The following CLINT1 variants were observed in gnomAD, a reference collection of about 807,000 sequenced individuals.
CLINT1 encodes the protein clathrin interactor 1, also known as clathrin interacting protein localized in the trans-Golgi region.
In CLINT1, 15 loss-of-function variants were observed where a neutral mutation model predicts 70.4. The ratio of observed to expected loss-of-function variants is 0.21; its 90% CI spans 0.14 to 0.33. CLINT1 has a LOEUF of 0.33. CLINT1 is among the 10% of genes least tolerant of loss of function. The pLI, the probability that CLINT1 is intolerant of heterozygous loss-of-function variation, is 1.00. For synonymous variants in CLINT1, 227 were observed against 254.7 expected (o/e 0.89, Z 1.04); for missense variants, 615 against 778.1 (o/e 0.79, Z 2.49).
rs182289654 is a variant in CLINT1, at chr5:157,818,073, T to C, written c.42-526A>G. ...AACACTGAACTGTGATCCTTGAGTC[T>C]TTTTTCATTTACTCTATCATATGCA... On this transcript the variant is annotated intron_variant, in intron 1 of 11. Transcript: ENST00000411809. 1.7e-3 allele frequency among the ~76,000 whole-genome samples: 263 copies of C among 152,332 alleles called. 1 individual carries two copies. The highest frequency in any genetic ancestry group is 2.4e-3 in the Admixed American group (37 of 15,304).
intron 2 of CLINT1, 92 bp downstream of exon 2, chr5:157,817,351 G>A (rs1435692572): frequency 3.9e-6 from 3 of 771,204 alleles, no homozygotes; most frequent in Non-Finnish European, 6.4e-6. Flanking sequence ...TATTTTGGCA[G>A]CCAAATAGTT....
At chr5:157,799,855 T>C (rs938200041) in intron 8 of CLINT1, among the ~76,000 whole-genome samples, 7 of 152,140 alleles carry the variant, frequency 4.6e-5, no homozygotes, top group African/African-American at 1.4e-4. Flanking sequence ...CTGTACATCA[T>C]GTCACTATAC....
intron 8 of CLINT1, 61 bp from the exon 9 acceptor site, chr5:157,795,033 G>A: frequency 1.4e-6 from 2 of 1,403,418 alleles, no homozygotes; most frequent in South Asian, 1.2e-5. Context: ...ATAATTTCTG[G>A]AGGCCATTTT....
At chr5:157,808,691 T>G (rs796371280) in intron 6 of CLINT1, among the ~76,000 whole-genome samples, 1 of 152,122 alleles carries the variant, frequency 6.6e-6, no homozygotes, top group South Asian at 2.1e-4. Flanking sequence ...TATTGTTCCA[T>G]GTAAAACTAA....
chr5:157,849,852 T>C (rs1274693048), intron 1 of CLINT1, among the ~76,000 whole-genome samples: 1 of 152,236 alleles, frequency 6.6e-6, no homozygotes, highest in Non-Finnish European at 1.5e-5. Flanking sequence ...ATTTAATGTA[T>C]TCATTCAAAA....
At chr5:157,858,710 G>A (rs1050092872) in intron 1 of CLINT1, among the ~76,000 whole-genome samples, 3 of 152,212 alleles carry the variant, frequency 2.0e-5, no homozygotes, top group African/African-American at 7.2e-5. Flanking sequence ...GGAGAGAAGG[G>A]TGGCCAAGAG....
chr5:157,818,137 T>G (rs1447442208), intron 1 of CLINT1, among the ~76,000 whole-genome samples: 2 of 152,220 alleles, frequency 1.3e-5, no homozygotes, highest in African/African-American at 4.8e-5. Flanking sequence ...TCACTTTTAC[T>G]GGCTGCATAA....
At chr5:157,791,140 G>A (rs1761889889) in intron 10 of CLINT1, among the ~76,000 whole-genome samples, 2 of 151,998 alleles carry the variant, frequency 1.3e-5, no homozygotes, top group African/African-American at 4.8e-5. Flanking sequence ...CTCACTGCAA[G>A]CTCCACCTCC....
chr5:157,831,796 C>T (rs185148100), intron 1 of CLINT1, among the ~76,000 whole-genome samples: 1 of 150,176 alleles, frequency 6.7e-6, no homozygotes, highest in Non-Finnish European at 1.5e-5. Context: ...CAGGTTCAAG[C>T]GATTCCCATC....
intron 10 of CLINT1, chr5:157,790,609 T>G (rs755890917): frequency 2.4e-4 from 111 of 455,218 alleles, no homozygotes; most frequent in African/African-American, 4.0e-5. Flanking sequence ...CCTTTCTGCT[T>G]CTTTCTTCTT....
intron 1 of CLINT1, among the ~76,000 whole-genome samples, chr5:157,825,505 A>T: frequency 6.6e-6 from 1 of 152,192 alleles, no homozygotes; most frequent in East Asian, 1.9e-4. Context: ...ATCTATTTAA[A>T]ATAATTCTGG....
intron 1 of CLINT1, among the ~76,000 whole-genome samples, chr5:157,828,574 T>A (rs188064523): frequency 1.3e-5 from 2 of 152,038 alleles, no homozygotes; most frequent in Admixed American, 6.5e-5. Flanking sequence ...ATAACTAGAG[T>A]GGGTTGAAGG....
At chr5:157,840,245 CT>C in intron 1 of CLINT1, among the ~76,000 whole-genome samples, 1 of 128,492 alleles carries the variant, frequency 7.8e-6, no homozygotes, top group Middle Eastern at 4.2e-3. Context: ...GAGGAATAGT[CT>C]ATTTAAAAAA....
intron 8 of CLINT1, among the ~76,000 whole-genome samples, chr5:157,797,223 G>A: frequency 6.6e-6 from 1 of 152,034 alleles, no homozygotes; most frequent in East Asian, 1.9e-4. Context: ...TAAAAACATT[G>A]GTCAAGTATA....
intron 1 of CLINT1, among the ~76,000 whole-genome samples, chr5:157,822,124 G>T (rs557138971): frequency 6.6e-6 from 1 of 152,042 alleles, no homozygotes; most frequent in East Asian, 1.9e-4. Context: ...TTGTGGGAGG[G>T]ACCTGTTGGG....
At chr5:157,822,190 A>C (rs985096831) in intron 1 of CLINT1, among the ~76,000 whole-genome samples, 1 of 151,706 alleles carries the variant, frequency 6.6e-6, no homozygotes, top group Admixed American at 6.6e-5. Context: ...GGTAGTGAGT[A>C]AGTCTCACAA....
chr5:157,839,047 G>A (rs1286498942), intron 1 of CLINT1, among the ~76,000 whole-genome samples: 1 of 151,624 alleles, frequency 6.6e-6, no homozygotes, highest in African/African-American at 2.4e-5. Context: ...TGGGCAACAT[G>A]GCAAAACCCC....
At chr5:157,792,478 G>A (rs1761947805) in intron 9 of CLINT1, among the ~76,000 whole-genome samples, 1 of 152,178 alleles carries the variant, frequency 6.6e-6, no homozygotes, top group African/African-American at 2.4e-5. Flanking sequence ...AACCCGGGAG[G>A]CGGAGGTTGC....
rs546608027 is a variant in CLINT1 at position 157,857,727 on chromosome 5, T to G, written c.41+1203A>C. 2.0e-5 allele frequency among the ~76,000 whole-genome samples: 3 copies of G among 152,318 alleles called. 1 individual carries two copies. The East Asian group carries it at 5.8e-4, about 29-fold the overall frequency. On this transcript the variant is annotated intron_variant, in intron 1 of 11. Coordinates refer to ENST00000411809, the MANE Select transcript of CLINT1 (RefSeq NM_014666.4). ...CAAGGTTATAAAGCTTGAACCCAGC[T>G]TTGCAGGTTCTGAAACCTGTGCTCC... is the stretch of plus-strand genomic sequence containing the variant.
Sources: gnomAD v4.1 joint callset for allele counts (sites outside exome capture counted in the v4.1 genomes callset) on GRCh38, gnomAD v4.1.1 for gene constraint, MANE v1.5 for transcripts, NCBI Gene and HGNC (gene_info 2026-07-23, HGNC 2026-07-21) for gene names.